The following GAB2 variants were observed in gnomAD, a reference collection of about 807,000 sequenced individuals.
GAB2 encodes the protein GRB2-associated-binding protein 2.
A neutral mutation model predicts 65.5 loss-of-function variants in GAB2; 26 were observed. The observed-to-expected ratio is 0.40, with a 90% CI of 0.29 to 0.55. GAB2 has a LOEUF of 0.55. Among genes scored for constraint, GAB2 ranks in the 20% least tolerant of loss-of-function variants. The pLI is 0.53. For synonymous variants in GAB2, 321 were observed against 329.6 expected (o/e 0.97, Z 0.28); for missense variants, 884 against 875.8 (o/e 1.01, Z -0.12).
intron 1 of GAB2, among the ~76,000 whole-genome samples, chr11:78,328,624 A>G (rs1024250383): frequency 3.9e-5 from 6 of 152,202 alleles, no homozygotes; most frequent in East Asian, 1.9e-4. Flanking sequence ...ATTCAACAAC[A>G]TGGATGGATC....
At chr11:78,400,770 T>C (rs559513714) in intron 1 of GAB2, among the ~76,000 whole-genome samples, 1 of 152,012 alleles carries the variant, frequency 6.6e-6, no homozygotes, top group South Asian at 2.1e-4. Flanking sequence ...CCAGGCATAG[T>C]GGTGCAGCCT....
chr11:78,292,308 T>C (rs2134608211), intron 1 of GAB2, among the ~76,000 whole-genome samples: 1 of 152,292 alleles, frequency 6.6e-6, no homozygotes, highest in African/African-American at 2.4e-5. Flanking sequence ...TTCCAAGTAA[T>C]GTCTTGCCCC....
chr11:78,368,324 T>C (rs1340968037), intron 1 of GAB2, among the ~76,000 whole-genome samples: 1 of 152,224 alleles, frequency 6.6e-6, no homozygotes, highest in Non-Finnish European at 1.5e-5. Context: ...ATATGATTAA[T>C]TCTGATCTAC....
intron 1 of GAB2, among the ~76,000 whole-genome samples, chr11:78,286,634 A>T (rs1661519087): frequency 6.6e-6 from 1 of 151,846 alleles, no homozygotes; most frequent in South Asian, 2.1e-4. Context: ...AATAAAACTT[A>T]TACGTAAGCT....
In GAB2 at chr11:78,268,927, CG is replaced by C. The variant is rs539296030; in HGVS notation, c.376+11673del. On this transcript the variant is annotated intron_variant, in intron 2 of 9. Coordinates refer to ENST00000361507, the MANE Select transcript of GAB2 (RefSeq NM_080491.3). ...TTTATGGAGCTCATGTCTGAACTCACGGCCTGTTCTGTGGATGACTAGAACC... is the reference window on the plus strand; with the variant it reads ...TTTATGGAGCTCATGTCTGAACTCACGCCTGTTCTGTGGATGACTAGAACC... Among the ~76,000 whole-genome samples, 396 of 152,058 alleles carry C rather than the reference CG, an allele frequency of 2.6e-3. 1 individual carries two copies. The highest frequency in any genetic ancestry group is 9.1e-3 in the African/African-American group (377 of 41,484).
intron 1 of GAB2, among the ~76,000 whole-genome samples, chr11:78,285,004 G>A (rs926826711): frequency 6.6e-6 from 1 of 152,164 alleles, no homozygotes; most frequent in Non-Finnish European, 1.5e-5. Flanking sequence ...TAGCCAGATA[G>A]GATGGAGCTG....
chr11:78,389,016 T>A (rs1856801609), intron 1 of GAB2, among the ~76,000 whole-genome samples: 2 of 152,198 alleles, frequency 1.3e-5, no homozygotes, highest in Admixed American at 1.3e-4. Flanking sequence ...GAATTCAAAC[T>A]GATATTTAAT....
intron 2 of GAB2, among the ~76,000 whole-genome samples, chr11:78,257,982 G>C (rs546020228): frequency 6.6e-6 from 1 of 152,278 alleles, no homozygotes; most frequent in South Asian, 2.1e-4. Flanking sequence ...AGCCCTATGA[G>C]GTGAATGGTA....
In GAB2 at chr11:78,254,784, T is replaced by C. The variant is rs563902094; in HGVS notation, c.377-4384A>G. ...ACTGCAATCAGCCAAGATGACAGAG[T>C]GACACCTTGTCTCTAAAAAAAGAAA... On this transcript the variant is annotated intron_variant, in intron 2 of 9. Coordinates refer to ENST00000361507, the MANE Select transcript of GAB2 (RefSeq NM_080491.3). Among the ~76,000 whole-genome samples, 11 of 150,740 alleles carry C rather than the reference T, an allele frequency of 7.3e-5. No individual in the cohort carries two copies. The East Asian group carries it at 2.0e-3, about 27-fold the overall frequency.
chr11:78,247,851 C>CAAA (rs1865340097), intron 3 of GAB2, among the ~76,000 whole-genome samples: 2 of 152,272 alleles, frequency 1.3e-5, no homozygotes, highest in Admixed American at 1.3e-4. Flanking sequence ...ATTCTGCAAA[C>CAAA]ATTATTTGAA....
At chr11:78,273,667 C>T (rs1033240628) in intron 2 of GAB2, among the ~76,000 whole-genome samples, 1 of 152,076 alleles carries the variant, frequency 6.6e-6, no homozygotes, top group South Asian at 2.1e-4. Context: ...CTTTGGGGGA[C>T]TGTTTGGAAG....
intron 6 of GAB2, among the ~76,000 whole-genome samples, chr11:78,223,203 A>C (rs1244829024): frequency 6.6e-6 from 1 of 152,178 alleles, no homozygotes; most frequent in African/African-American, 2.4e-5. Context: ...CTATGTACCA[A>C]AGTACTATCC....
intron 1 of GAB2, among the ~76,000 whole-genome samples, chr11:78,400,512 C>T (rs1302436676): frequency 6.6e-6 from 1 of 152,190 alleles, no homozygotes; most frequent in Non-Finnish European, 1.5e-5. Flanking sequence ...AGACAACAGC[C>T]TGCTCAGGAA....
rs1255855279 is a variant in GAB2 at position 78,231,342 on chromosome 11, T to G, written c.621-4291A>C. Among the ~76,000 whole-genome samples the G allele has an allele frequency of 3.3e-3, 501 of 150,878 alleles. 2 individuals carry two copies. The highest frequency in any genetic ancestry group is 0.012 in the African/African-American group (479 of 40,720). On this transcript the variant is annotated intron_variant, in intron 3 of 9. Coordinates refer to ENST00000361507, the MANE Select transcript of GAB2 (RefSeq NM_080491.3). ...TGCGCGCGCGCGCGTGTGTGGTGTG[T>G]GTGTGTGTGTGTGTGTGTGTGTGTG...
At chr11:78,387,014 CGTT>C (rs1856776958) in intron 1 of GAB2, among the ~76,000 whole-genome samples, 2 of 152,166 alleles carry the variant, frequency 1.3e-5, no homozygotes, top group African/African-American at 2.4e-5. Context: ...TTAAACAAAA[CGTT>C]GTTACCAAAA....
At chr11:78,396,381 A>C (rs1011613587) in intron 1 of GAB2, among the ~76,000 whole-genome samples, 8 of 152,208 alleles carry the variant, frequency 5.3e-5, no homozygotes, top group African/African-American at 1.4e-4. Context: ...TGAATTTGTA[A>C]ATTTGTTTTC....
intron 1 of GAB2, among the ~76,000 whole-genome samples, chr11:78,345,309 G>A (rs578070871): frequency 1.3e-5 from 2 of 152,182 alleles, no homozygotes; most frequent in East Asian, 3.9e-4. Context: ...CAAAATTGTA[G>A]AGACAATATG....
chr11:78,272,287 G>A (rs1866036017), intron 2 of GAB2, among the ~76,000 whole-genome samples: 1 of 152,178 alleles, frequency 6.6e-6, no homozygotes, highest in South Asian at 2.1e-4. Flanking sequence ...AAGAAGACAG[G>A]AAAATGTGGG....
At position 78,407,675 on chromosome 11, in the gene GAB2, A is replaced by AAGAGATGGC. The variant is rs144773232; in HGVS notation, c.75+9970_75+9971insGCCATCTCT. 3.9e-3 allele frequency among the ~76,000 whole-genome samples: 583 copies of AAGAGATGGC among 147,704 alleles called. 3 individuals are homozygous for AAGAGATGGC. The highest frequency in any genetic ancestry group is 0.015 in the African/African-American group (556 of 37,936). ...AAAGAAAGTAAGAAAGAAAGAAAGA[A>AAGAGATGGC]AGAAAGAAAGAAAGAAAGAAAGAAA... On this transcript the variant is annotated intron_variant, in intron 1 of 9. Coordinates refer to ENST00000361507, the MANE Select transcript of GAB2 (RefSeq NM_080491.3).
Sources: gnomAD v4.1 joint callset for allele counts (sites outside exome capture counted in the v4.1 genomes callset) on GRCh38, gnomAD v4.1.1 for gene constraint, MANE v1.5 for transcripts, NCBI Gene and HGNC (gene_info 2026-07-23, HGNC 2026-07-21) for gene names.